Variants in SDK1 observed in about 807,000 individuals in gnomAD.
SDK1 encodes sidekick cell adhesion molecule 1, also known as protein sidekick-1.
Under a neutral mutation model 245.5 loss-of-function variants are expected in SDK1, and 157 were observed. That is an observed-to-expected ratio of 0.64 (90% CI 0.56 to 0.73). The LOEUF is 0.73. Among genes scored for constraint, SDK1 ranks in the 30% least tolerant of loss-of-function variants. SDK1 has a pLI of 0.00. For synonymous variants in SDK1, 1,647 were observed against 1,278.5 expected (o/e 1.29, Z -6.15); for missense variants, 3,583 against 3,002.3 (o/e 1.19, Z -4.52).
intron 40 of SDK1, among the ~76,000 whole-genome samples, chr7:4,221,626 T>G (rs1457740356): frequency 6.6e-6 from 1 of 152,170 alleles, no homozygotes; most frequent in East Asian, 1.9e-4. Flanking sequence ...ATGATAATGG[T>G]TATTCCTAGA....
At chr7:3,340,207 T>A (rs11974565) in intron 1 of SDK1, among the ~76,000 whole-genome samples, 1 of 151,756 alleles carries the variant, frequency 6.6e-6, no homozygotes, top group Non-Finnish European at 1.5e-5. Context: ...ACCTCAGAGA[T>A]GTGGCGGATT....
At chr7:3,550,949 G>A (rs1779383554) in intron 1 of SDK1, among the ~76,000 whole-genome samples, 1 of 152,182 alleles carries the variant, frequency 6.6e-6, no homozygotes, top group African/African-American at 2.4e-5. Context: ...ATTCTTGATT[G>A]TTAAAAGAAA....
At chr7:3,813,781 C>T (rs1250911922) in intron 4 of SDK1, among the ~76,000 whole-genome samples, 1 of 108,780 alleles carries the variant, frequency 9.2e-6, no homozygotes, top group Admixed American at 9.8e-5. Context: ...CTGTTGTTTC[C>T]TGACTTTTTA....
intron 35 of SDK1, among the ~76,000 whole-genome samples, chr7:4,194,601 T>G (rs180782450): frequency 6.6e-6 from 1 of 151,904 alleles, no homozygotes; most frequent in Admixed American, 6.6e-5. Context: ...ACTGAACAAC[T>G]TGGAGTCTGA....
At chr7:3,683,274 T>C (rs1259248719) in intron 4 of SDK1, among the ~76,000 whole-genome samples, 1 of 152,226 alleles carries the variant, frequency 6.6e-6, no homozygotes, top group Non-Finnish European at 1.5e-5. Flanking sequence ...ACCCAGCACA[T>C]ACTATGCACT....
chr7:3,943,164 C>T (rs188814771), intron 5 of SDK1, among the ~76,000 whole-genome samples: 2 of 152,288 alleles, frequency 1.3e-5, no homozygotes, highest in African/African-American at 2.4e-5. Context: ...TGGAAAATCC[C>T]ACTGCTTTAG....
chr7:3,462,215 C>T (rs1470344641), intron 1 of SDK1, among the ~76,000 whole-genome samples: 1 of 152,146 alleles, frequency 6.6e-6, no homozygotes, highest in Non-Finnish European at 1.5e-5. Flanking sequence ...CACTCCTCAG[C>T]AGCATTCTTC....
At chr7:3,618,953 T>C in intron 1 of SDK1, 127 bp from the exon 2 acceptor site, 1 of 733,306 alleles carries the variant, frequency 1.4e-6, no homozygotes, top group Non-Finnish European at 2.2e-6. Flanking sequence ...TACTTCTTAA[T>C]TGGGCCAAAC....
intron 2 of SDK1, among the ~76,000 whole-genome samples, chr7:3,620,791 C>T (rs914858936): frequency 3.9e-5 from 6 of 152,168 alleles, no homozygotes; most frequent in African/African-American, 7.2e-5. Flanking sequence ...CTGGCAGCCC[C>T]GTCCCTTGTA....
intron 1 of SDK1, among the ~76,000 whole-genome samples, chr7:3,374,622 C>T (rs547413611): frequency 5.3e-5 from 8 of 152,168 alleles, no homozygotes; most frequent in African/African-American, 9.6e-5. Flanking sequence ...GAATAAGGTA[C>T]GTTTTTCCCC....
intron 1 of SDK1, among the ~76,000 whole-genome samples, chr7:3,609,143 G>A (rs563802247): frequency 6.6e-6 from 1 of 152,022 alleles, no homozygotes; most frequent in Non-Finnish European, 1.5e-5. Flanking sequence ...ATTTTTTAAG[G>A]AATTAATAAC....
intron 1 of SDK1, among the ~76,000 whole-genome samples, chr7:3,603,872 A>G (rs1218228407): frequency 1.3e-5 from 2 of 152,154 alleles, no homozygotes; most frequent in African/African-American, 4.8e-5. Context: ...TACCTAATTT[A>G]TTGAGAGTTT....
In SDK1 at chr7:4,261,714, C is replaced by T. The variant is rs756305505; in HGVS notation, c.6382-3410C>T. 4.3e-4 allele frequency among the ~76,000 whole-genome samples: 65 copies of T among 152,280 alleles called. 1 individual carries two copies. Among genetic ancestry groups the T allele is most frequent in the Non-Finnish European group, 8.7e-4 (59 of 68,022 alleles). On this transcript the variant is annotated intron_variant, in intron 44 of 44. Coordinates refer to ENST00000404826, the MANE Select transcript of SDK1 (RefSeq NM_152744.4). ...TGATCCTCAGATGGCATTTCAAGGC[C>T]GCTCACTCTTTTACCCCCTCCCCAG...
At chr7:4,102,194 T>TGGCCTCTG (rs1042598752) in intron 22 of SDK1, among the ~76,000 whole-genome samples, 4 of 138,882 alleles carry the variant, frequency 2.9e-5, no homozygotes, top group African/African-American at 6.2e-5. Flanking sequence ...TTGAGGGAAC[T>TGGCCTCTG]GGCCTCTGGG....
At chr7:3,340,740 C>A (rs548662536) in intron 1 of SDK1, among the ~76,000 whole-genome samples, 1 of 142,006 alleles carries the variant, frequency 7.0e-6, no homozygotes, top group Admixed American at 7.3e-5. Flanking sequence ...TCCCTGGAGC[C>A]TGGGAAACAG....
intron 4 of SDK1, among the ~76,000 whole-genome samples, chr7:3,753,405 T>C (rs1779830191): frequency 6.6e-6 from 1 of 152,182 alleles, no homozygotes; most frequent in Non-Finnish European, 1.5e-5. Flanking sequence ...ACATTGCCCC[T>C]TAATGAGCCT....
intron 44 of SDK1, among the ~76,000 whole-genome samples, chr7:4,255,780 G>C (rs1323662439): frequency 6.6e-6 from 1 of 152,124 alleles, no homozygotes; most frequent in South Asian, 2.1e-4. Context: ...ACACTGAGCT[G>C]GGGGAATTGG....
At chr7:3,692,911 T>C (rs963692810) in intron 4 of SDK1, among the ~76,000 whole-genome samples, 4 of 152,044 alleles carry the variant, frequency 2.6e-5, no homozygotes, top group African/African-American at 7.2e-5. Context: ...ATATGATAGA[T>C]AAAGGTAGCA....
intron 5 of SDK1, among the ~76,000 whole-genome samples, chr7:3,866,896 C>T (rs952870717): frequency 7.2e-5 from 11 of 152,252 alleles, no homozygotes; most frequent in Admixed American, 3.9e-4. Context: ...GCTGGACTGC[C>T]GAGAGAACAC....
Sources: allele counts gnomAD v4.1 joint callset (sites outside exome capture counted in the v4.1 genomes callset), GRCh38; gene constraint gnomAD v4.1.1; transcripts MANE v1.5; gene names NCBI Gene and HGNC (gene_info 2026-07-23, HGNC 2026-07-21).